The following OTOL1 variants were observed in gnomAD, a reference collection of about 807,000 sequenced individuals.
OTOL1 encodes otolin 1, also known as otolin-1.
In OTOL1, 31 loss-of-function variants were observed where a neutral mutation model predicts 25.0. The ratio of observed to expected loss-of-function variants is 1.24; its 90% CI spans 0.93 to 1.67. The LOEUF (loss-of-function observed/expected upper bound fraction) is 1.67, where lower values mean the gene tolerates loss of function less well. OTOL1 is among the 40% of genes most tolerant of loss of function. The pLI, the probability that OTOL1 is intolerant of heterozygous loss-of-function variation, is 0.00. For missense variants in OTOL1, 654 were observed against 587.7 expected, an observed-to-expected ratio of 1.11 and a Z score of -1.17; for synonymous variants, 225 against 210.3, an observed-to-expected ratio of 1.07 and a Z score of -0.61.
intron 2 of OTOL1, 146 bp from the exon 3 acceptor site, chr3:161,502,161 C>A (rs1718988881): frequency 2.8e-6 from 2 of 716,524 alleles, no homozygotes; most frequent in Admixed American, 2.3e-5. Context: ...AGCCGCCGTG[C>A]CTGGCGTACA....
chr3:161,498,698 T>A (rs1325678262), intron 1 of OTOL1, among the ~76,000 whole-genome samples: 1 of 152,138 alleles, frequency 6.6e-6, no homozygotes, highest in Non-Finnish European at 1.5e-5. Flanking sequence ...TTCATGAGAG[T>A]AGGGACTGCT....
At chr3:161,502,591 T>C (rs1406778187) in intron 3 of OTOL1, among the ~76,000 whole-genome samples, 2 of 152,140 alleles carry the variant, frequency 1.3e-5, no homozygotes, top group Non-Finnish European at 1.5e-5. Flanking sequence ...TAGCTGTCAA[T>C]GGAAAATAAA....
At chr3:161,500,446 A>G (rs1303148229) in intron 2 of OTOL1, among the ~76,000 whole-genome samples, 2 of 152,210 alleles carry the variant, frequency 1.3e-5, no homozygotes, top group Non-Finnish European at 2.9e-5. Flanking sequence ...GGTTCTTAAG[A>G]ATACACTTTG....
At position 161,497,320 on chromosome 3, in the gene OTOL1, G is replaced by A. The variant is rs1190772100; in HGVS notation, c.364+149G>A. On this transcript the variant is annotated intron_variant, in intron 1 of 3. Coordinates refer to ENST00000327928, the MANE Select transcript of OTOL1 (RefSeq NM_001080440.1). ...GTCACATTGTTACAAATGTAAATGGGTGCTGTGTTGCCCAATGTGGTAATT... is the reference window on the plus strand; with the variant it reads ...GTCACATTGTTACAAATGTAAATGGATGCTGTGTTGCCCAATGTGGTAATT... 1.0e-5 allele frequency: 9 copies of A among 897,496 alleles called. No homozygotes were observed. The African/African-American group carries it at 1.0e-4, about 10-fold the overall frequency. The allele number at this position is 897,496 out of a possible 1,614,324, so 55.6% of individuals were successfully genotyped here.
chr3:161,498,398 G>A (rs766088620), intron 1 of OTOL1, among the ~76,000 whole-genome samples: 5 of 152,090 alleles, frequency 3.3e-5, no homozygotes, highest in Non-Finnish European at 7.4e-5. Flanking sequence ...CCTGCCTGGG[G>A]AGCTCATATG....
chr3:161,503,061 G>GTCC lies in OTOL1; in HGVS notation c.553_554insTCC (p.Gly185delinsValArg). 1 of 1,382,258 alleles carries GTCC rather than the reference G, an allele frequency of 7.2e-7. No individual in the cohort carries two copies. The highest frequency in any genetic ancestry group is 9.4e-7 in the Non-Finnish European group (1 of 1,064,006). 85.6% of individuals were successfully genotyped at this position (1,382,258 alleles called of 1,614,324 possible). A position where few individuals can be genotyped will look rare whatever the true frequency, so the allele number is the denominator to read the frequency against. On this transcript the variant is annotated protein_altering_variant, in exon 4 of 4. Coordinates refer to ENST00000327928, the MANE Select transcript of OTOL1 (RefSeq NM_001080440.1). ...CCCTAAGGGAGATAAAGGAAACATT[G>GTCC]GTTTGGGAGGAGTGAAAGGACAAAA...
In OTOL1 at chr3:161,500,816, C is replaced by T. The variant is rs139605099; in HGVS notation, c.455-1491C>T. ...GGTTTAATTTCCAAATTTTGCATTT[C>T]ATGCGGAGTGGTGTTGGGGTAGCTA... On this transcript the variant is annotated intron_variant, in intron 2 of 3. Transcript: ENST00000327928. Among the ~76,000 whole-genome samples, 158 of 152,262 alleles carry T rather than the reference C, an allele frequency of 1.0e-3. 1 individual carries two copies. In the East Asian group the frequency reaches 0.023, roughly 22 times the overall value.
At chr3:161,502,940 G>A (rs1426245363) in intron 3 of OTOL1, 86 bp from the exon 4 acceptor site, 2 of 1,075,160 alleles carry the variant, frequency 1.9e-6, no homozygotes, top group Admixed American at 3.8e-5. Flanking sequence ...TAGTAGGTTT[G>A]TTTCTACTTT....
chr3:161,500,664 A>T (rs1371753680), intron 2 of OTOL1, among the ~76,000 whole-genome samples: 3 of 152,246 alleles, frequency 2.0e-5, no homozygotes, highest in Admixed American at 2.0e-4. Flanking sequence ...TTCAAGAAGC[A>T]GTATAACTCT....
At position 161,503,635 on chromosome 3, in the gene OTOL1, T is replaced by C. The variant is rs1221408209; in HGVS notation, c.1127T>C (p.Val376Ala). ...LYNDQGNYSP[V>A]TGKFNCSIPG... is the part of the protein sequence containing the mutation. ...AATGACCAAGGGAATTACAGTCCTG[T>C]CACTGGGAAGTTTAACTGCTCTATT... The change falls in exon 4 of 4, where the codon GTC (valine) becomes GCC (alanine). Residue 376 changes from valine to alanine, a missense_variant. Coordinates refer to ENST00000327928, the MANE Select transcript of OTOL1 (RefSeq NM_001080440.1). 4 of 1,613,766 alleles carry C rather than the reference T, an allele frequency of 2.5e-6. No individual in the cohort carries two copies. Among genetic ancestry groups the C allele is most frequent in the Non-Finnish European group, 3.4e-6 (4 of 1,179,870 alleles).
In OTOL1 at chr3:161,503,589, A is replaced by G. The variant is rs1434167128; in HGVS notation, c.1081A>G (p.Lys361Glu). The G allele has an allele frequency of 2.5e-6, 4 of 1,613,812 alleles. No individual in the cohort carries two copies. The East Asian group carries it at 8.9e-5, about 36-fold the overall frequency. ...KPFPPPNIPI[K>E]FEKILYNDQG... is the part of the protein sequence containing the mutation. ...ATTTCCTCCTCCTAACATCCCCATCAAATTTGAAAAGATTCTCTATAATGA... is the reference window on the plus strand; with the variant it reads ...ATTTCCTCCTCCTAACATCCCCATCGAATTTGAAAAGATTCTCTATAATGA... Residue 361 changes from lysine to glutamate, a missense_variant, in exon 4 of 4, where the codon AAA (lysine) becomes GAA (glutamate). Lys to Glu is a moderately conservative substitution (Grantham distance 56). Transcript: ENST00000327928.
chr3:161,503,918 G>A lies in OTOL1; in HGVS notation c.1410G>A (p.Glu470=), dbSNP rs781487174. Residue 470 remains glutamate (E), a synonymous_variant, in exon 4 of 4, where the codon GAG becomes GAA. Coordinates refer to ENST00000327928, the MANE Select transcript of OTOL1 (RefSeq NM_001080440.1). The part of the protein sequence containing the change: ...SIFTGFLLYP[E]ETSGISP ...TTACTGGGTTCCTTTTGTACCCAGA[G>A]GAAACTTCTGGAATTTCACCATAAA... 52 of 1,610,938 alleles carry A rather than the reference G, an allele frequency of 3.2e-5. No individual in the cohort carries two copies. Among genetic ancestry groups the A allele is most frequent in the African/African-American group, 1.6e-4 (12 of 74,738 alleles).
At position 161,503,838 on chromosome 3, in the gene OTOL1, G is replaced by C. The variant is rs776829472; in HGVS notation, c.1330G>C (p.Glu444Gln). 1 of 1,613,962 alleles carries C rather than the reference G, an allele frequency of 6.2e-7. No individual in the cohort carries two copies. Among genetic ancestry groups the C allele is most frequent in the South Asian group, 1.1e-5 (1 of 91,076 alleles). Residue 444 changes from glutamate to glutamine, a missense_variant, in exon 4 of 4, where the codon GAG (glutamate) becomes CAG (glutamine). Glu to Gln is a conservative substitution (Grantham distance 29). Coordinates refer to ENST00000327928, the MANE Select transcript of OTOL1 (RefSeq NM_001080440.1). ...KLSAGDQVWLEVSKDWNGVYV... is the reference protein window; with the variant it reads ...KLSAGDQVWLQVSKDWNGVYV... ...AAGTGCAGGAGACCAAGTCTGGCTT[G>C]AGGTGTCAAAAGATTGGAATGGGGT... is the stretch of plus-strand genomic sequence containing the variant.
intron 1 of OTOL1, among the ~76,000 whole-genome samples, chr3:161,498,779 A>G (rs1718899969): frequency 6.6e-6 from 1 of 152,150 alleles, no homozygotes. Context: ...GAAATAGTTA[A>G]TGAATGAATG....
At chr3:161,499,793 AG>A (rs1718928703) in intron 2 of OTOL1, among the ~76,000 whole-genome samples, 1 of 152,168 alleles carries the variant, frequency 6.6e-6, no homozygotes, top group Non-Finnish European at 1.5e-5. Flanking sequence ...GAAGTAATCA[AG>A]CTTATAATAA....
At chr3:161,502,482 T>C in intron 3 of OTOL1, 113 bp downstream of exon 3, 1 of 913,854 alleles carries the variant, frequency 1.1e-6, no homozygotes, top group Non-Finnish European at 1.7e-6. Flanking sequence ...TACAAATTAC[T>C]GTTATTCTTC....
rs1028260334 is a variant in OTOL1 at position 161,499,264 on chromosome 3, G to C, written c.454+4G>C. ...AGAGGCTACAAAGGAGAGAAAGGTA[G>C]GTAATTCATTCATGTCAAAACTCAA... On this transcript the variant is annotated splice_donor_region_variant and intron_variant, in intron 2 of 3. Transcript: ENST00000327928. 8 of 1,588,552 alleles carry C rather than the reference G, an allele frequency of 5.0e-6. No individual in the cohort carries two copies. The highest frequency in any genetic ancestry group is 6.0e-6 in the Non-Finnish European group (7 of 1,169,418).
intron 2 of OTOL1, among the ~76,000 whole-genome samples, chr3:161,500,595 C>G (rs554400975): frequency 6.6e-6 from 1 of 152,088 alleles, no homozygotes; most frequent in Non-Finnish European, 1.5e-5. Context: ...TGATTCCATT[C>G]TAGTTAATCA....
In OTOL1 at chr3:161,497,022, C is replaced by A. The variant is rs1225487790; in HGVS notation, c.215C>A (p.Pro72His). Residue 72 changes from proline to histidine, a missense_variant, in exon 1 of 4, where the codon CCC becomes CAC. Coordinates refer to ENST00000327928, the MANE Select transcript of OTOL1 (RefSeq NM_001080440.1). Reference sequence around the variant, plus strand: ...GAAATGGCAGAACCAATTACCAAACCCTCGGCCTTGGATTCTGTCTTTGGC... The same window carrying A: ...GAAATGGCAGAACCAATTACCAAACACTCGGCCTTGGATTCTGTCTTTGGC... ...MAEMAEPITKPSALDSVFGTA... is the reference protein window; with the variant it reads ...MAEMAEPITKHSALDSVFGTA... The A allele has an allele frequency of 6.2e-7, 1 of 1,613,648 alleles. No homozygotes were observed. The highest frequency in any genetic ancestry group is 8.5e-7 in the Non-Finnish European group (1 of 1,179,682).
Sources: allele counts gnomAD v4.1 joint callset (sites outside exome capture counted in the v4.1 genomes callset), GRCh38; gene constraint gnomAD v4.1.1; transcripts MANE v1.5; gene names NCBI Gene and HGNC (gene_info 2026-07-23, HGNC 2026-07-21).